Variants in PLCD4 observed in about 807,000 individuals in gnomAD.
The protein encoded by PLCD4 is phospholipase C delta 4, also known as 1-phosphatidylinositol 4,5-bisphosphate phosphodiesterase delta-4.
In PLCD4, 63 loss-of-function variants were observed where a neutral mutation model predicts 90.2. The ratio of observed to expected loss-of-function variants is 0.70; its 90% CI spans 0.57 to 0.86. The LOEUF (loss-of-function observed/expected upper bound fraction) is 0.86, where lower values mean the gene tolerates loss of function less well. PLCD4 is among the 40% of genes least tolerant of loss of function. The pLI, the probability that PLCD4 is intolerant of heterozygous loss-of-function variation, is 0.00. For synonymous variants in PLCD4, 294 were observed against 356.5 expected, an observed-to-expected ratio of 0.82 and a Z score of 1.97; for missense variants, 830 against 956.3, an observed-to-expected ratio of 0.87 and a Z score of 1.74.
chr2:218,632,117 C>G lies in PLCD4; in HGVS notation c.1273-19C>G. 6.3e-7 allele frequency: 1 copy of G among 1,588,728 alleles called. No homozygotes were observed. The highest frequency in any genetic ancestry group is 8.6e-7 in the Non-Finnish European group (1 of 1,167,926). On this transcript the variant is annotated intron_variant, in intron 9 of 15. Coordinates refer to ENST00000450993, the MANE Select transcript of PLCD4 (RefSeq NM_032726.4). ...CAAGAGCAGACAGGTAGACAGGCCC[C>G]TTCATTTTTGTCCCCTAGGAGCTTC...
intron 1 of PLCD4, among the ~76,000 whole-genome samples, chr2:218,610,706 TG>T (rs1695293573): frequency 6.6e-6 from 1 of 151,852 alleles, no homozygotes; most frequent in Non-Finnish European, 1.5e-5. Flanking sequence ...TTGAGCTGGT[TG>T]TATGGAGACC....
chr2:218,628,378 A>G (rs1012921203), intron 7 of PLCD4, 148 bp downstream of exon 7: 20 of 708,306 alleles, frequency 2.8e-5, no homozygotes, highest in African/African-American at 7.0e-5. Flanking sequence ...TGGAGGAGAT[A>G]TTGAAGACTG....
chr2:218,611,920 CTTTCTTTTCT>C (rs1057456017), intron 1 of PLCD4, among the ~76,000 whole-genome samples: 4 of 149,502 alleles, frequency 2.7e-5, no homozygotes, highest in East Asian at 2.0e-4. Flanking sequence ...AGGTCTGTTG[CTTTCTTTTCT>C]TTTCTTTTCT....
Position 218,622,883 on chromosome 2 carries a change from G to A in PLCD4, c.772+5G>A, listed in dbSNP as rs569097943. ...GCTATGAACCTTCAGACAGTGGTAAGAGAAATCAGGTGGAGAGGCACCAGA... is the reference window on the plus strand; with the variant it reads ...GCTATGAACCTTCAGACAGTGGTAAAAGAAATCAGGTGGAGAGGCACCAGA... On this transcript the variant is annotated splice_donor_5th_base_variant and intron_variant, in intron 6 of 15. Transcript: ENST00000450993. The A allele has an allele frequency of 7.2e-5, 116 of 1,611,400 alleles. No homozygotes were observed. In the South Asian group the frequency reaches 1.2e-3, roughly 16 times the overall value.
At chr2:218,608,832 G>C (rs1048310110) in intron 1 of PLCD4, among the ~76,000 whole-genome samples, 2 of 152,098 alleles carry the variant, frequency 1.3e-5, no homozygotes, top group Admixed American at 6.6e-5. Flanking sequence ...GGGAATGTCT[G>C]GATTAGATGT....
chr2:218,623,638 A>G (rs539750841), intron 6 of PLCD4, among the ~76,000 whole-genome samples: 1 of 152,264 alleles, frequency 6.6e-6, no homozygotes, highest in Admixed American at 6.5e-5. Flanking sequence ...CCTTTACTAC[A>G]TATCCCATAA....
At position 218,634,223 on chromosome 2, in the gene PLCD4, T is replaced by C; in HGVS notation, c.1723+2T>C. The C allele has an allele frequency of 1.9e-6, 3 of 1,606,832 alleles. No individual in the cohort carries two copies. Among genetic ancestry groups the C allele is most frequent in the Non-Finnish European group, 2.5e-6 (3 of 1,176,540 alleles). ...TCTGGAATGCAGGCTGCCAGATGGG[T>C]GAGGAGGCAGCAGGGACTGGGAAGA... is the stretch of plus-strand genomic sequence containing the variant. On this transcript the variant is annotated splice_donor_variant, in intron 12 of 15. Coordinates refer to ENST00000450993, the MANE Select transcript of PLCD4 (RefSeq NM_032726.4). LOFTEE classifies it high-confidence loss of function. The surrounding 1 kb of genome is among the most constrained non-coding windows in gnomAD (Gnocchi z 4.0).
At chr2:218,610,424 C>T (rs896941012) in intron 1 of PLCD4, among the ~76,000 whole-genome samples, 1 of 152,054 alleles carries the variant, frequency 6.6e-6, no homozygotes, top group Non-Finnish European at 1.5e-5. Flanking sequence ...AGGAGAATCA[C>T]TTGAACCCAG....
Position 218,634,642 on chromosome 2 carries a change from A to G in PLCD4, c.1896+12A>G. ...CTCTCTTAATCCAGGTACAGTGGAA[A>G]TAAACTGTTGGGAAGAAACTGAGAT... is the stretch of plus-strand genomic sequence containing the variant. On this transcript the variant is annotated intron_variant, in intron 13 of 15. Coordinates refer to ENST00000450993, the MANE Select transcript of PLCD4 (RefSeq NM_032726.4). This position sits in a 1 kb window ranked among gnomAD's most constrained non-coding sequence, Gnocchi z 4.0. The G allele has an allele frequency of 1.2e-6, 2 of 1,611,976 alleles. No homozygotes were observed. Among genetic ancestry groups the G allele is most frequent in the East Asian group, 4.5e-5 (2 of 44,882 alleles).
intron 10 of PLCD4, 183 bp from the exon 11 acceptor site, chr2:218,633,422 T>C: frequency 1.3e-6 from 1 of 747,362 alleles, no homozygotes; most frequent in East Asian, 2.7e-5. Context: ...GTCTATCTGT[T>C]GTCAGATTGT....
intron 1 of PLCD4, among the ~76,000 whole-genome samples, chr2:218,614,211 G>C (rs1695476065): frequency 6.6e-6 from 1 of 151,940 alleles, no homozygotes; most frequent in African/African-American, 2.4e-5. Context: ...AGTAGAGACG[G>C]GGTTTCACTA....
In PLCD4 at chr2:218,629,529, CG is replaced by C. The variant is rs753567323; in HGVS notation, c.990del (p.Cys331AlafsTer24). On this transcript the variant is annotated frameshift_variant, in exon 8 of 16. Transcript: ENST00000450993. LOFTEE classifies it high-confidence loss of function. ...ATGGGGTTCTTTCAGGGCCCTGAAG[CG>C]GGGGTGCCGCTGCGTGGAGGTGGAT... ...SVEGYIRALK[R>X]GCRCVEVDVW... is the part of the protein sequence containing the mutation. 3.1e-6 allele frequency: 5 copies of C among 1,613,238 alleles called. No individual in the cohort carries two copies. Among genetic ancestry groups the C allele is most frequent in the African/African-American group, 2.7e-5 (2 of 74,764 alleles).
Position 218,632,034 on chromosome 2 carries a change from C to G in PLCD4, c.1273-102C>G, listed in dbSNP as rs1696402005. 10 of 1,303,250 alleles carry G rather than the reference C, an allele frequency of 7.7e-6. No homozygotes were observed. In the East Asian group the frequency reaches 2.6e-4, roughly 33 times the overall value. The allele number at this position is 1,303,250 out of a possible 1,614,324, so 80.7% of individuals were successfully genotyped here. ...CTCTTCCCTCGGGAACTTCCGACCA[C>G]TCACTCACTTCCTCTGCCTTTGAGA... On this transcript the variant is annotated intron_variant, in intron 9 of 15. Coordinates refer to ENST00000450993, the MANE Select transcript of PLCD4 (RefSeq NM_032726.4).
intron 1 of PLCD4, among the ~76,000 whole-genome samples, chr2:218,614,289 G>A (rs867681746): frequency 2.3e-4 from 35 of 152,114 alleles, no homozygotes; most frequent in African/African-American, 7.5e-4. Flanking sequence ...AAAGTGCTGG[G>A]ATTACAGGCT....
intron 10 of PLCD4, among the ~76,000 whole-genome samples, chr2:218,632,864 G>T (rs1206481436): frequency 6.6e-6 from 1 of 152,146 alleles, no homozygotes; most frequent in African/African-American, 2.4e-5. Flanking sequence ...GGTGGGGAAC[G>T]TGAAGGCTCT....
chr2:218,630,902 C>A, intron 9 of PLCD4, 100 bp downstream of exon 9: 1 of 1,306,074 alleles, frequency 7.7e-7, no homozygotes, highest in South Asian at 1.6e-5. Context: ...TTCTTTCTAT[C>A]CTCGGATGGA....
chr2:218,621,688 A>G, intron 5 of PLCD4, 89 bp downstream of exon 5: 1 of 1,511,310 alleles, frequency 6.6e-7, no homozygotes. Flanking sequence ...ACAACACTCA[A>G]TTGTTAAATC....
chr2:218,631,025 C>T (rs961343773), intron 9 of PLCD4, among the ~76,000 whole-genome samples: 102 of 152,244 alleles, frequency 6.7e-4, no homozygotes, highest in African/African-American at 2.0e-3. Flanking sequence ...CAACAATTTA[C>T]ATTATTTCTT....
chr2:218,618,876 G>T (rs1695750609), intron 4 of PLCD4, 69 bp downstream of exon 4: 8 of 1,464,400 alleles, frequency 5.5e-6, no homozygotes, highest in Non-Finnish European at 7.5e-6. Flanking sequence ...AGATGCAACA[G>T]GTTTAGGAAA....
Sources: allele counts gnomAD v4.1 joint callset (sites outside exome capture counted in the v4.1 genomes callset), GRCh38; gene constraint gnomAD v4.1.1; non-coding constraint Gnocchi (gnomAD v3.1); transcripts MANE v1.5; gene names NCBI Gene and HGNC (gene_info 2026-07-23, HGNC 2026-07-21).